GRM8: variants seen among roughly 807,000 people sequenced by gnomAD.
GRM8 encodes the protein glutamate metabotropic receptor 8, also known as metabotropic glutamate receptor 8.
In GRM8, 47 loss-of-function variants were observed where a neutral mutation model predicts 87.2. The ratio of observed to expected loss-of-function variants is 0.54; its 90% CI spans 0.43 to 0.69. GRM8 has a LOEUF of 0.69. GRM8 is among the 30% of genes least tolerant of loss of function. GRM8 has a pLI of 0.00. For synonymous variants in GRM8, 396 were observed against 404.5 expected, an observed-to-expected ratio of 0.98 and a Z score of 0.25; for missense variants, 1,019 against 1,139.2, an observed-to-expected ratio of 0.89 and a Z score of 1.52.
At chr7:126,532,802 T>TGC (rs1815058459) in intron 9 of GRM8, 150 bp downstream of exon 9, 1 of 75,188 alleles carries the variant, frequency 1.3e-5, no homozygotes, top group African/African-American at 6.5e-5. Flanking sequence ...TATATATATA[T>TGC]ATATATATAT....
At chr7:126,673,671 T>C (rs959639269) in intron 7 of GRM8, among the ~76,000 whole-genome samples, 5 of 152,238 alleles carry the variant, frequency 3.3e-5, no homozygotes, top group African/African-American at 1.2e-4. Flanking sequence ...AAATTCGTCA[T>C]GGTAGATGCT....
At chr7:127,101,787 G>C (rs191557036) in intron 3 of GRM8, among the ~76,000 whole-genome samples, 1 of 152,310 alleles carries the variant, frequency 6.6e-6, no homozygotes, top group East Asian at 1.9e-4. Context: ...TTGCTATAAA[G>C]ATACCTGAAA....
intron 2 of GRM8, among the ~76,000 whole-genome samples, chr7:127,117,557 T>G (rs2133161780): frequency 6.6e-6 from 1 of 152,312 alleles, no homozygotes; most frequent in African/African-American, 2.4e-5. Flanking sequence ...AATGAGCTGC[T>G]TAAGACAGTG....
chr7:127,124,429 T>C (rs547915399), intron 2 of GRM8, among the ~76,000 whole-genome samples: 1 of 152,284 alleles, frequency 6.6e-6, no homozygotes, highest in African/African-American at 2.4e-5. Context: ...CTCCTACCCC[T>C]CTAGATATTC....
intron 3 of GRM8, among the ~76,000 whole-genome samples, chr7:126,946,864 C>A (rs1034057061): frequency 6.6e-6 from 1 of 152,172 alleles, no homozygotes; most frequent in Non-Finnish European, 1.5e-5. Context: ...ACAGGTCCAT[C>A]CATTTGAGAA....
intron 3 of GRM8, among the ~76,000 whole-genome samples, chr7:126,942,590 C>G (rs1296328903): frequency 2.6e-5 from 4 of 152,158 alleles, no homozygotes; most frequent in Non-Finnish European, 5.9e-5. Context: ...TGTGCTACTG[C>G]TCGCCCGGCA....
At chr7:126,813,175 C>T (rs750557683) in intron 6 of GRM8, among the ~76,000 whole-genome samples, 3 of 151,918 alleles carry the variant, frequency 2.0e-5, no homozygotes, top group African/African-American at 7.2e-5. Context: ...AAAAAAGAAA[C>T]TTTTAGATGC....
At chr7:126,701,792 G>A (rs1809962527) in intron 7 of GRM8, 2 of 1,293,080 alleles carry the variant, frequency 1.5e-6, no homozygotes, top group Non-Finnish European at 2.0e-6. Flanking sequence ...AAAAGAGTTG[G>A]CCAGGGTAGA....
At chr7:126,503,032 G>C (rs1354365384) in intron 9 of GRM8, among the ~76,000 whole-genome samples, 1 of 151,882 alleles carries the variant, frequency 6.6e-6, no homozygotes, top group African/African-American at 2.4e-5. Context: ...TTCACTGCTA[G>C]GGAATGAGAC....
intron 2 of GRM8, chr7:127,229,939 C>G (rs930782769): frequency 8.6e-5 from 13 of 152,034 alleles, no homozygotes; most frequent in African/African-American, 3.1e-4. Context: ...TCTTTCTTAG[C>G]AATTAATTGT....
intron 3 of GRM8, among the ~76,000 whole-genome samples, chr7:126,927,280 C>T (rs1370962589): frequency 6.6e-6 from 1 of 152,092 alleles, no homozygotes; most frequent in East Asian, 1.9e-4. Flanking sequence ...GGACTACAGC[C>T]ATATGCCATC....
chr7:126,827,272 T>C (rs1171857900), intron 6 of GRM8, among the ~76,000 whole-genome samples: 1 of 152,210 alleles, frequency 6.6e-6, no homozygotes, highest in East Asian at 1.9e-4. Flanking sequence ...GGTAGCTTGA[T>C]GGGGATGGCA....
At chr7:127,249,547 C>A (rs1798752667) in intron 1 of GRM8, among the ~76,000 whole-genome samples, 1 of 152,148 alleles carries the variant, frequency 6.6e-6, no homozygotes, top group African/African-American at 2.4e-5. Flanking sequence ...TTGCCCACCA[C>A]TGAGAAAGGG....
chr7:126,701,492 C>T (rs987043706), intron 7 of GRM8, among the ~76,000 whole-genome samples: 5 of 152,128 alleles, frequency 3.3e-5, no homozygotes, highest in Non-Finnish European at 7.4e-5. Context: ...GATTCTTGAG[C>T]TCCTCTAAAG....
At chr7:127,018,268 T>C (rs1015722333) in intron 3 of GRM8, among the ~76,000 whole-genome samples, 2 of 151,852 alleles carry the variant, frequency 1.3e-5, no homozygotes, top group Admixed American at 1.3e-4. Flanking sequence ...GAAAATGACA[T>C]ACCTGGCAAA....
At chr7:126,755,300 G>A (rs79192606) in intron 7 of GRM8, among the ~76,000 whole-genome samples, 89 of 152,014 alleles carry the variant, frequency 5.9e-4, no homozygotes, top group African/African-American at 2.1e-3. Flanking sequence ...TATAAGAAGT[G>A]TCAATTCTCT....
At chr7:126,711,636 T>C (rs1811103291) in intron 7 of GRM8, among the ~76,000 whole-genome samples, 1 of 152,364 alleles carries the variant, frequency 6.6e-6, no homozygotes, top group South Asian at 2.1e-4. Flanking sequence ...AATTTCTAGA[T>C]GACATCCTCT....
chr7:127,137,123 A>G (rs1342888893), intron 2 of GRM8, among the ~76,000 whole-genome samples: 1 of 152,086 alleles, frequency 6.6e-6, no homozygotes, highest in African/African-American at 2.4e-5. Flanking sequence ...GACTTAATCT[A>G]TGTAAGCCTT....
chr7:126,846,660 G>A (rs1324596303), intron 6 of GRM8, among the ~76,000 whole-genome samples: 2 of 151,862 alleles, frequency 1.3e-5, no homozygotes, highest in East Asian at 3.9e-4. Context: ...CATGACATTT[G>A]ACTTCCCAAC....
Sources: gnomAD v4.1 joint callset for allele counts (sites outside exome capture counted in the v4.1 genomes callset) on GRCh38, gnomAD v4.1.1 for gene constraint, MANE v1.5 for transcripts, NCBI Gene and HGNC (gene_info 2026-07-23, HGNC 2026-07-21) for gene names.